ZNF133: variants seen among roughly 807,000 people sequenced by gnomAD.
ZNF133 encodes zinc finger protein 133, also known as zinc finger protein 133 (clone pHZ-13).
In ZNF133, 26 loss-of-function variants were observed where a neutral mutation model predicts 54.9. The ratio of observed to expected loss-of-function variants is 0.47; its 90% CI spans 0.35 to 0.66. ZNF133 has a LOEUF of 0.66. Ranked by LOEUF, ZNF133 falls within the 30% of genes least tolerant of loss-of-function variation. The pLI is 0.01. For synonymous variants in ZNF133, 298 were observed against 320.3 expected (o/e 0.93, Z 0.74); for missense variants, 653 against 820.8 (o/e 0.80, Z 2.50).
Position 18,305,568 on chromosome 20 carries a change from A to G in ZNF133, c.-6-113A>G, listed in dbSNP as rs1284014894. 3.4e-6 allele frequency: 5 copies of G among 1,475,114 alleles called. No homozygotes were observed. The highest frequency in any genetic ancestry group is 4.7e-6 in the Non-Finnish European group (5 of 1,074,376). 91.4% of individuals were successfully genotyped at this position (1,475,114 alleles called of 1,614,324 possible). On this transcript the variant is annotated intron_variant, in intron 4 of 6. Coordinates refer to ENST00000425686, the MANE Select transcript of ZNF133 (RefSeq NM_001352452.2). This position sits in a 1 kb window ranked among gnomAD's most constrained non-coding sequence, Gnocchi z 4.7. ...TCTTGGAACACATGGCACCAGGGTC[A>G]CTGGGATCTTGATATCTCACCTGCC...
In ZNF133 at chr20:18,316,496, C is replaced by A; in HGVS notation, c.1645C>A (p.Pro549Thr). 3 of 1,614,226 alleles carry A rather than the reference C, an allele frequency of 1.9e-6. No individual in the cohort carries two copies. Among genetic ancestry groups the A allele is most frequent in the Non-Finnish European group, 2.5e-6 (3 of 1,180,042 alleles). The change falls in exon 7 of 7, where the codon CCC becomes ACC. Residue 549 changes from proline (P) to threonine (T), a missense_variant. By Grantham distance (38) the Pro-to-Thr change is conservative (BLOSUM62 -1). Transcript: ENST00000425686. ...RHKRKHSREK[P>T]YMCRQCGLGF... The stretch of plus-strand genomic sequence containing the variant: ...CAAGCGGAAGCACTCGAGGGAGAAG[C>A]CCTACATGTGCAGGCAGTGTGGACT...
At chr20:18,304,691 AG>A (rs2044213836) in intron 3 of ZNF133, among the ~76,000 whole-genome samples, 3 of 152,228 alleles carry the variant, frequency 2.0e-5, no homozygotes, top group African/African-American at 7.2e-5. Context: ...TATATAATGG[AG>A]ACAGAAAGCA....
At position 18,315,522 on chromosome 20, in the gene ZNF133, G is replaced by C; in HGVS notation, c.671G>C (p.Ser224Thr). 6.2e-7 allele frequency: 1 copy of C among 1,614,234 alleles called. No homozygotes were observed. The highest frequency in any genetic ancestry group is 8.5e-7 in the Non-Finnish European group (1 of 1,180,044). Residue 224 changes from serine (S) to threonine (T), a missense_variant, in exon 7 of 7, where the codon AGC becomes ACC. Coordinates refer to ENST00000425686, the MANE Select transcript of ZNF133 (RefSeq NM_001352452.2). ...TGTGGAGAGTGTGGACTGAGCTTCA[G>C]CAAGATGACAAACCTGCTCAGTCAC... is the stretch of plus-strand genomic sequence containing the variant. ...VNCGECGLSF[S>T]KMTNLLSHQR...
At chr20:18,307,609 G>T (rs887125850) in intron 6 of ZNF133, among the ~76,000 whole-genome samples, 1 of 152,092 alleles carries the variant, frequency 6.6e-6, no homozygotes, top group Non-Finnish European at 1.5e-5. Flanking sequence ...GAATCTCTCT[G>T]TCCCCTTTTG....
intron 1 of ZNF133, chr20:18,295,196 CTTT>C (rs1479011595): frequency 7.2e-5 from 11 of 152,158 alleles, no homozygotes; most frequent in Admixed American, 2.6e-4. Context: ...GTGACTTTGC[CTTT>C]CTTATTTCTT....
At chr20:18,304,619 A>G (rs967897547) in intron 3 of ZNF133, among the ~76,000 whole-genome samples, 2 of 152,248 alleles carry the variant, frequency 1.3e-5, no homozygotes, top group Admixed American at 1.3e-4. Flanking sequence ...GCTAAGCGAA[A>G]TAAGTCAGAC....
Position 18,315,490 on chromosome 20 carries a change from A to C in ZNF133, c.639A>C (p.Thr213=). The C allele has an allele frequency of 6.2e-7, 1 of 1,614,220 alleles. No individual in the cohort carries two copies. Among genetic ancestry groups the C allele is most frequent in the Non-Finnish European group, 8.5e-7 (1 of 1,180,032 alleles). ...GGATAGAAGTCTTAGGATTTGGAAC[A>C]GTCAACTGTGGAGAGTGTGGACTGA... is the stretch of plus-strand genomic sequence containing the variant. ...LKRIEVLGFG[T]VNCGECGLSF... Residue 213 remains threonine, a synonymous_variant, in exon 7 of 7, where the codon ACA becomes ACC. Transcript: ENST00000425686.
At chr20:18,302,869 C>T (rs1220860995) in intron 3 of ZNF133, among the ~76,000 whole-genome samples, 2 of 152,042 alleles carry the variant, frequency 1.3e-5, no homozygotes, top group Non-Finnish European at 2.9e-5. Flanking sequence ...ATACACTTAA[C>T]AGTGAACAAT....
chr20:18,314,100 A>G (rs1232384373), intron 6 of ZNF133: 3 of 152,224 alleles, frequency 2.0e-5, no homozygotes, highest in Non-Finnish European at 4.4e-5. Flanking sequence ...TGCTCATTGT[A>G]ATTAGGATTG....
At chr20:18,304,915 C>G (rs1568764526) in intron 3 of ZNF133, 93 bp from the exon 4 acceptor site, 1 of 837,418 alleles carries the variant, frequency 1.2e-6, no homozygotes. Context: ...TCTGTAGTTC[C>G]TAGCACTTTC....
In ZNF133 at chr20:18,297,119, G is replaced by A. The variant is rs151224780; in HGVS notation, c.-431-866G>A. ...TTACATTATACTTTTAAATATTTCC[G>A]TTGTTTTGGTATCTAGGAACTAATT... On this transcript the variant is annotated intron_variant, in intron 1 of 6. Transcript: ENST00000425686. Among the ~76,000 whole-genome samples, 1,354 of 152,086 alleles carry A rather than the reference G, an allele frequency of 8.9e-3. 5 individuals are homozygous for A. The highest frequency in any genetic ancestry group is 0.015 in the Non-Finnish European group (987 of 67,980).
At chr20:18,291,517 C>A (rs115030076) in intron 1 of ZNF133, among the ~76,000 whole-genome samples, 2,432 of 152,174 alleles carry the variant, frequency 0.016, 66 homozygotes, top group African/African-American at 0.056. Flanking sequence ...TTCCTTCCCT[C>A]CCAAATTTCC....
chr20:18,292,274 A>G (rs2041237108), intron 1 of ZNF133, among the ~76,000 whole-genome samples: 1 of 152,218 alleles, frequency 6.6e-6, no homozygotes, highest in Admixed American at 6.5e-5. Context: ...TGTTTGCTCA[A>G]AATCTTCCAG....
Position 18,305,187 on chromosome 20 carries a change from A to C in ZNF133, c.-7+9A>C. On this transcript the variant is annotated intron_variant, in intron 4 of 6. Transcript: ENST00000425686. This position sits in a 1 kb window ranked among gnomAD's most constrained non-coding sequence, Gnocchi z 4.7. ...TTTTCTACATTTCACAGGTAAGAAA[A>C]CTGGGATACTAGTTGGTGGCAGAGG... The C allele has an allele frequency of 3.0e-6, 3 of 989,672 alleles. No homozygotes were observed. Among genetic ancestry groups the C allele is most frequent in the Non-Finnish European group, 3.6e-6 (3 of 833,158 alleles). The allele number at this position is 989,672 out of a possible 1,614,324, so 61.3% of individuals were successfully genotyped here. A position where few individuals can be genotyped will look rare whatever the true frequency, so the allele number is the denominator to read the frequency against.
intron 6 of ZNF133, among the ~76,000 whole-genome samples, chr20:18,311,824 T>G (rs2046060990): frequency 6.6e-6 from 1 of 152,226 alleles, no homozygotes; most frequent in South Asian, 2.1e-4. Flanking sequence ...TAATTGTAGA[T>G]TCACGTAATT....
intron 1 of ZNF133, among the ~76,000 whole-genome samples, chr20:18,290,358 G>T (rs2040671327): frequency 6.6e-6 from 1 of 152,090 alleles, no homozygotes; most frequent in Non-Finnish European, 1.5e-5. Context: ...TTAACATTCT[G>T]TTCTTCTGTC....
chr20:18,293,450 C>T (rs373991674), intron 1 of ZNF133, among the ~76,000 whole-genome samples: 1 of 152,190 alleles, frequency 6.6e-6, no homozygotes, highest in Admixed American at 6.5e-5. Flanking sequence ...TTACGTGGTA[C>T]GTTAGAGCTC....
rs1293450342 is a variant in ZNF133, at chr20:18,305,252, T to C, written c.-7+74T>C. The C allele has an allele frequency of 3.3e-5, 32 of 962,786 alleles. No individual in the cohort carries two copies. The highest frequency in any genetic ancestry group is 3.7e-5 in the Non-Finnish European group (30 of 806,608). 59.6% of individuals were successfully genotyped at this position (962,786 alleles called of 1,614,324 possible). A position where few individuals can be genotyped will look rare whatever the true frequency, so the allele number is the denominator to read the frequency against. ...AGGCACCATGATTCCAGGGCTTCAC[T>C]ACTCTCTGCTTGTGACCATCAGGCC... On this transcript the variant is annotated intron_variant, in intron 4 of 6. Transcript: ENST00000425686. The surrounding 1 kb of genome is among the most constrained non-coding windows in gnomAD (Gnocchi z 4.7).
At chr20:18,298,513 A>T (rs2042684017) in intron 3 of ZNF133, 49 bp downstream of exon 3, 1 of 179,380 alleles carries the variant, frequency 5.6e-6, no homozygotes, top group Non-Finnish European at 1.1e-5. Context: ...GCTACCTGTC[A>T]TCCACCCTGC....
Sources: gnomAD v4.1 joint callset for allele counts (sites outside exome capture counted in the v4.1 genomes callset) on GRCh38, gnomAD v4.1.1 for gene constraint, Gnocchi (gnomAD v3.1) non-coding constraint, MANE v1.5 for transcripts, NCBI Gene and HGNC (gene_info 2026-07-23, HGNC 2026-07-21) for gene names.